NRXN1: variants seen among roughly 807,000 people sequenced by gnomAD.
The protein encoded by NRXN1 is neurexin-1.
In NRXN1, 39 loss-of-function variants were observed where a neutral mutation model predicts 150.9. The observed-to-expected ratio is 0.26, with a 90% CI of 0.20 to 0.34. The LOEUF (loss-of-function observed/expected upper bound fraction) is 0.34, where lower values mean the gene tolerates loss of function less well. NRXN1 is among the 10% of genes least tolerant of loss of function. The probability of loss-of-function intolerance (pLI) is 1.00; values close to 1 mark genes in which losing one functional copy is unlikely to be tolerated. For missense variants in NRXN1, 1,815 were observed against 1,949.9 expected (o/e 0.93, Z 1.30); for synonymous variants, 924 against 757.0 (o/e 1.22, Z -3.62).
At chr2:50,139,187 G>A (rs539682311) in intron 18 of NRXN1, among the ~76,000 whole-genome samples, 82 of 152,164 alleles carry the variant, frequency 5.4e-4, no homozygotes, top group African/African-American at 1.8e-3. Flanking sequence ...TTAGCCGGGC[G>A]TGGTGGCGTG....
At chr2:50,953,867 G>C (rs1025425774) in intron 2 of NRXN1, among the ~76,000 whole-genome samples, 5 of 152,108 alleles carry the variant, frequency 3.3e-5, no homozygotes, top group African/African-American at 1.2e-4. Flanking sequence ...ATTCTCAACT[G>C]ACAAATATGA....
intron 5 of NRXN1, among the ~76,000 whole-genome samples, chr2:50,740,167 T>C (rs1699261357): frequency 6.6e-6 from 1 of 152,196 alleles, no homozygotes; most frequent in Non-Finnish European, 1.5e-5. Context: ...ACAGTGGGCT[T>C]TGGTGGAAAC....
chr2:50,128,142 T>C (rs996659979), intron 18 of NRXN1, among the ~76,000 whole-genome samples: 13 of 152,214 alleles, frequency 8.5e-5, no homozygotes, highest in Admixed American at 7.9e-4. Flanking sequence ...TCTACCATGA[T>C]AGCTGAGATG....
intron 8 of NRXN1, among the ~76,000 whole-genome samples, chr2:50,600,888 C>T (rs1394035884): frequency 1.3e-5 from 2 of 151,724 alleles, no homozygotes; most frequent in African/African-American, 4.8e-5. Flanking sequence ...AGGATTCTGA[C>T]ATTTAGAAAA....
At chr2:50,832,280 G>C (rs1671513670) in intron 5 of NRXN1, among the ~76,000 whole-genome samples, 1 of 152,134 alleles carries the variant, frequency 6.6e-6, no homozygotes. Flanking sequence ...TAAAGTGATT[G>C]AGTTTTGCAG....
intron 2 of NRXN1, among the ~76,000 whole-genome samples, chr2:50,984,134 A>ATT (rs70958636): frequency 0.16 from 11,357 of 72,786 alleles, 1,988 homozygotes; most frequent in Non-Finnish European, 0.2. Context: ...CGCCAGGCTA[A>ATT]TTTTTTTTTT....
chr2:49,956,793 T>TGGTA (rs953158979), intron 21 of NRXN1, among the ~76,000 whole-genome samples: 9 of 152,190 alleles, frequency 5.9e-5, no homozygotes, highest in African/African-American at 9.6e-5. Flanking sequence ...AAATATTTTT[T>TGGTA]GGTACAAGGA....
At chr2:50,642,293 G>A (rs1684186548) in intron 5 of NRXN1, among the ~76,000 whole-genome samples, 1 of 151,902 alleles carries the variant, frequency 6.6e-6, no homozygotes, top group Non-Finnish European at 1.5e-5. Context: ...AAAAGGCTAT[G>A]GAACTTAAAA....
intron 5 of NRXN1, among the ~76,000 whole-genome samples, chr2:50,748,343 C>A (rs757472736): frequency 2.0e-5 from 3 of 152,140 alleles, no homozygotes; most frequent in Non-Finnish European, 2.9e-5. Context: ...TGCATCACTG[C>A]ATTGCTAATA....
At chr2:50,066,211 T>C (rs1376572573) in intron 19 of NRXN1, among the ~76,000 whole-genome samples, 1 of 152,200 alleles carries the variant, frequency 6.6e-6, no homozygotes, top group East Asian at 1.9e-4. Context: ...AGTGCCCATG[T>C]ACTCTGAAAT....
intron 12 of NRXN1, 72 bp from the exon 13 acceptor site, chr2:50,506,689 G>C: frequency 1.3e-6 from 2 of 1,522,474 alleles, no homozygotes; most frequent in Non-Finnish European, 1.8e-6. Flanking sequence ...CAGAGAGTGA[G>C]AGAAAGAGAC....
chr2:50,383,980 C>A (rs946994456), intron 17 of NRXN1, among the ~76,000 whole-genome samples: 4 of 152,136 alleles, frequency 2.6e-5, no homozygotes, highest in Non-Finnish European at 5.9e-5. Context: ...TGCCTAGATG[C>A]CTGACCTTTG....
intron 17 of NRXN1, among the ~76,000 whole-genome samples, chr2:50,443,214 A>AG (rs372174106): frequency 6.6e-5 from 10 of 152,242 alleles, no homozygotes; most frequent in Admixed American, 1.3e-4. Flanking sequence ...TGACAATTCA[A>AG]GGGGGGGAGA....
intron 8 of NRXN1, 175 bp downstream of exon 8, chr2:50,619,847 A>T: frequency 2.1e-6 from 1 of 482,482 alleles, no homozygotes; most frequent in East Asian, 3.3e-5. Flanking sequence ...TTCCTTCATA[A>T]TGATCTATGA....
At chr2:50,273,687 A>G (rs2070018391) in intron 17 of NRXN1, among the ~76,000 whole-genome samples, 1 of 152,168 alleles carries the variant, frequency 6.6e-6, no homozygotes. Flanking sequence ...TAATATTTAT[A>G]TACACAACCC....
chr2:50,140,902 G>T (rs1329316065), intron 18 of NRXN1, among the ~76,000 whole-genome samples: 2 of 151,876 alleles, frequency 1.3e-5, no homozygotes. Context: ...GTTCGTGTGT[G>T]TGTGTATATA....
intron 5 of NRXN1, among the ~76,000 whole-genome samples, chr2:50,813,039 T>A (rs1039094407): frequency 2.6e-5 from 4 of 151,936 alleles, no homozygotes; most frequent in Admixed American, 2.6e-4. Flanking sequence ...TAACATATTT[T>A]AAAAAATTAG....
At chr2:50,480,023 T>A (rs2090341967) in intron 15 of NRXN1, among the ~76,000 whole-genome samples, 1 of 152,294 alleles carries the variant, frequency 6.6e-6, no homozygotes, top group East Asian at 1.9e-4. Context: ...TCCGCCCGCC[T>A]TGGCCTCCCA....
Position 49,984,586 on chromosome 2 carries a change from G to C in NRXN1, c.4129-40795C>G, listed in dbSNP as rs573419142. ...TGGCTCTTGGTAGTTCCTAGAGCTT[G>C]CACTCAGGAAAGCACTGTATTGGGC... On this transcript the variant is annotated intron_variant, in intron 21 of 22. Coordinates refer to ENST00000401669, the MANE Select transcript of NRXN1 (RefSeq NM_001330078.2). 2.6e-5 allele frequency among the ~76,000 whole-genome samples: 4 copies of C among 152,132 alleles called. No individual in the cohort carries two copies. In the East Asian group the frequency reaches 5.8e-4, roughly 22 times the overall value.
Sources: allele counts gnomAD v4.1 joint callset (sites outside exome capture counted in the v4.1 genomes callset), GRCh38; gene constraint gnomAD v4.1.1; transcripts MANE v1.5; gene names NCBI Gene and HGNC (gene_info 2026-07-23, HGNC 2026-07-21).